The following LDB1 variants were observed in gnomAD, a reference collection of about 807,000 sequenced individuals.
The protein encoded by LDB1 is LIM domain-binding protein 1.
A neutral mutation model predicts 49.7 loss-of-function variants in LDB1; 6 were observed. That is an observed-to-expected ratio of 0.12 (90% CI 0.07 to 0.24). LDB1 has a LOEUF of 0.24. LDB1 is among the 10% of genes least tolerant of loss of function. The pLI, the probability that LDB1 is intolerant of heterozygous loss-of-function variation, is 1.00. For synonymous variants in LDB1, 233 were observed against 202.0 expected, an observed-to-expected ratio of 1.15 and a Z score of -1.30; for missense variants, 341 against 561.7, an observed-to-expected ratio of 0.61 and a Z score of 3.97.
chr10:102,112,816 T>C (rs1446572510), intron 1 of LDB1, among the ~76,000 whole-genome samples: 1 of 152,214 alleles, frequency 6.6e-6, no homozygotes, highest in Non-Finnish European at 1.5e-5. Context: ...CACTAGTGTG[T>C]ATCTGTGATG....
Position 102,108,204 on chromosome 10 carries a change from C to T in LDB1, c.1125G>A (p.Glu375=), listed in dbSNP as rs768403370. ...GTGCAGGGGAGTTGTTAAAGCTGTC[C>T]TCGTCGTCAATGCCGTTGGCTGCGT... ...QFDAANGIDD[E]DSFNNSPALG... is the part of the protein sequence containing the mutation. The change falls in exon 11 of 11, where the codon GAG becomes GAA. Residue 375 remains glutamate, a synonymous_variant. Coordinates refer to ENST00000673968, the MANE Select transcript of LDB1 (RefSeq NM_001113407.3). 8.1e-6 allele frequency: 13 copies of T among 1,613,954 alleles called. No homozygotes were observed.
intron 6 of LDB1, 76 bp downstream of exon 6, chr10:102,110,453 G>T: frequency 6.9e-7 from 1 of 1,443,610 alleles, no homozygotes; most frequent in Admixed American, 2.0e-5. Context: ...GGGAACAGCT[G>T]TGAGTATACA....
intron 1 of LDB1, chr10:102,114,342 G>C (rs937965991): frequency 1.0e-6 from 1 of 986,208 alleles, no homozygotes; most frequent in Non-Finnish European, 1.2e-6. Context: ...CCGCAGATCA[G>C]GCCCGGGCCG....
At chr10:102,110,315 A>C in intron 6 of LDB1, 1 of 626,424 alleles carries the variant, frequency 1.6e-6, no homozygotes, top group Non-Finnish European at 2.8e-6. Flanking sequence ...ATGAGGGCAG[A>C]CTCTTGTTCA....
intron 1 of LDB1, among the ~76,000 whole-genome samples, chr10:102,115,232 C>G (rs2068321276): frequency 1.3e-5 from 2 of 152,298 alleles, no homozygotes; most frequent in South Asian, 2.1e-4. Context: ...GCCCGCCTCC[C>G]CCGAGCCCCA....
chr10:102,119,584 A>G (rs1454756729), intron 1 of LDB1, among the ~76,000 whole-genome samples: 1 of 151,940 alleles, frequency 6.6e-6, no homozygotes, highest in Non-Finnish European at 1.5e-5. Flanking sequence ...CAGGCAGGAA[A>G]AGTTGAAGGT....
At position 102,107,632 on chromosome 10, in the gene LDB1, G is replaced by A. The variant is rs894956166; in HGVS notation, c.*461C>T. On this transcript the variant is annotated 3_prime_UTR_variant, in exon 11 of 11. Transcript: ENST00000673968. Reference sequence around the variant, plus strand: ...TGGAGCTGGGATAAGTGGCAGCAGGGAGGAGGGGCCCAGAGCTTTACCCCT... The same window carrying A: ...TGGAGCTGGGATAAGTGGCAGCAGGAAGGAGGGGCCCAGAGCTTTACCCCT... The A allele has an allele frequency of 6.4e-6, 1 of 156,702 alleles. No homozygotes were observed. The highest frequency in any genetic ancestry group is 2.4e-5 in the African/African-American group (1 of 41,518). 9.7% of individuals were successfully genotyped at this position (156,702 alleles called of 1,614,324 possible). A position where few individuals can be genotyped will look rare whatever the true frequency, so the allele number is the denominator to read the frequency against.
intron 1 of LDB1, chr10:102,114,951 TCTCCCTGC>T: frequency 1.9e-6 from 1 of 531,494 alleles, no homozygotes; most frequent in Non-Finnish European, 2.4e-6. Context: ...TCTCCCTTTC[TCTCCCTGC>T]CTCCCTCCCT....
chr10:102,121,021 C>G (rs2068413435), upstream of LDB1, among the ~76,000 whole-genome samples: 1 of 152,198 alleles, frequency 6.6e-6, no homozygotes, highest in African/African-American at 2.4e-5. Flanking sequence ...CAACTCACCC[C>G]TTCCCTAAAT....
At position 102,106,671 on chromosome 10, in the gene LDB1, G is replaced by A. The variant is rs1019021758; in HGVS notation, c.*1422C>T. ...TACCCTTCCAAAAGTGGCAGCTGGAGTGGAGGAAATACGGTGTGGGGGACC... is the reference window on the plus strand; with the variant it reads ...TACCCTTCCAAAAGTGGCAGCTGGAATGGAGGAAATACGGTGTGGGGGACC... On this transcript the variant is annotated 3_prime_UTR_variant, in exon 11 of 11. Coordinates refer to ENST00000673968, the MANE Select transcript of LDB1 (RefSeq NM_001113407.3). Among the ~76,000 whole-genome samples, 2 of 150,796 alleles carry A rather than the reference G, an allele frequency of 1.3e-5. No homozygotes were observed. The highest frequency in any genetic ancestry group is 1.5e-5 in the Non-Finnish European group (1 of 67,796).
chr10:102,111,153 A>G lies in LDB1; in HGVS notation c.174-9T>C, dbSNP rs1320659930. On this transcript the variant is annotated splice_polypyrimidine_tract_variant and intron_variant, in intron 3 of 10. Coordinates refer to ENST00000673968, the MANE Select transcript of LDB1 (RefSeq NM_001113407.3). ...CATATGGTGTGTGCCTCCTGGAGGA[A>G]GTGAAGGAGAGAGGTCAGTAGGAGC... 1 of 1,613,630 alleles carries G rather than the reference A, an allele frequency of 6.2e-7. No individual in the cohort carries two copies. Among genetic ancestry groups the G allele is most frequent in the African/African-American group, 1.3e-5 (1 of 74,888 alleles).
chr10:102,118,503 C>A (rs2068361079), intron 1 of LDB1, among the ~76,000 whole-genome samples: 2 of 152,040 alleles, frequency 1.3e-5, no homozygotes, highest in South Asian at 4.2e-4. Flanking sequence ...TTTTCTCTCT[C>A]CTCCCACTGG....
At chr10:102,116,484 A>G (rs370702538) in intron 1 of LDB1, among the ~76,000 whole-genome samples, 1 of 152,156 alleles carries the variant, frequency 6.6e-6, no homozygotes, top group East Asian at 1.9e-4. Flanking sequence ...TCTGGCCATC[A>G]ACCTGTGATA....
rs1788760325 is a variant in LDB1, at chr10:102,117,970, G to A, written c.25+2116C>T. ...ATGTGCTGTCTCTGCCGGGCTGGGG[G>A]AGGAGGAGGAGCCCGGAGACAGCAG... is the stretch of plus-strand genomic sequence containing the variant. On this transcript the variant is annotated intron_variant, in intron 1 of 10. Coordinates refer to ENST00000673968, the MANE Select transcript of LDB1 (RefSeq NM_001113407.3). The surrounding 1 kb of genome is among the most constrained non-coding windows in gnomAD (Gnocchi z 4.2). 6.6e-6 allele frequency among the ~76,000 whole-genome samples: 1 copy of A among 152,106 alleles called. No homozygotes were observed. Among genetic ancestry groups the A allele is most frequent in the Non-Finnish European group, 1.5e-5 (1 of 68,018 alleles).
intron 1 of LDB1, among the ~76,000 whole-genome samples, chr10:102,115,397 C>G (rs1055957954): frequency 6.6e-6 from 1 of 152,146 alleles, no homozygotes; most frequent in Non-Finnish European, 1.5e-5. Context: ...GAAGGCTGGC[C>G]CGGACTGCCA....
At chr10:102,112,254 A>C (rs2068266954) in intron 1 of LDB1, among the ~76,000 whole-genome samples, 1 of 152,226 alleles carries the variant, frequency 6.6e-6, no homozygotes, top group African/African-American at 2.4e-5. Flanking sequence ...AGCAGGGCTG[A>C]CCATAACATT....
chr10:102,114,812 G>GGGGGCCCCCCCCCCCCCCCCCCC, intron 1 of LDB1: 1 of 929,818 alleles, frequency 1.1e-6, no homozygotes, highest in Non-Finnish European at 1.3e-6. Context: ...CCTCCGAGCA[G>GGGGGCCCCCCCCCCCCCCCCCCC]CCCGCCCGCC....
At position 102,109,350 on chromosome 10, in the gene LDB1, G is replaced by C; in HGVS notation, c.856+34C>G. The C allele has an allele frequency of 6.2e-7, 1 of 1,613,192 alleles. No individual in the cohort carries two copies. Among genetic ancestry groups the C allele is most frequent in the Non-Finnish European group, 8.5e-7 (1 of 1,179,780 alleles). The stretch of plus-strand genomic sequence containing the variant: ...AAGATACAGCTTTGGGGAGCGGTGT[G>C]AGATCCTGGTAAGAGCAGGTGCAAG... On this transcript the variant is annotated intron_variant, in intron 9 of 10. Transcript: ENST00000673968. The surrounding 1 kb of genome is among the most constrained non-coding windows in gnomAD (Gnocchi z 5.8).
In LDB1 at chr10:102,109,956, G is replaced by C; in HGVS notation, c.613C>G (p.Arg205Gly). The change falls in exon 7 of 11, where the codon CGA (arginine) becomes GGA (glycine). Residue 205 changes from arginine to glycine, a missense_variant. Physicochemically the swap from Arg to Gly is moderately radical, Grantham distance 125. This residue lies in a region of LDB1 where 233 missense variants were observed against 385.7 expected (regional missense o/e 0.60). Coordinates refer to ENST00000673968, the MANE Select transcript of LDB1 (RefSeq NM_001113407.3). This position sits in a 1 kb window ranked among gnomAD's most constrained non-coding sequence, Gnocchi z 5.8. ...AGGATGCTGCGGGGGATGAGCTCTC[G>C]GTGCTGCCGGATGCTGAAGTGCCAC... ...KTWHFSIRQH[R>G]ELIPRSILAM... 1 of 1,611,168 alleles carries C rather than the reference G, an allele frequency of 6.2e-7. No individual in the cohort carries two copies. Among genetic ancestry groups the C allele is most frequent in the Non-Finnish European group, 8.5e-7 (1 of 1,179,844 alleles).
Sources: allele counts gnomAD v4.1 joint callset (sites outside exome capture counted in the v4.1 genomes callset), GRCh38; gene constraint gnomAD v4.1.1; regional missense constraint gnomAD v4.1.1; non-coding constraint Gnocchi (gnomAD v3.1); transcripts MANE v1.5; gene names NCBI Gene and HGNC (gene_info 2026-07-23, HGNC 2026-07-21).